PCDHA2: variants seen among roughly 807,000 people sequenced by gnomAD.
The protein encoded by PCDHA2 is protocadherin alpha 2.
Under a neutral mutation model 66.0 loss-of-function variants are expected in PCDHA2, and 58 were observed. The ratio of observed to expected loss-of-function variants is 0.88; its 90% CI spans 0.71 to 1.09. The LOEUF is 1.09. Among genes scored for constraint, PCDHA2 ranks in the 50% least tolerant of loss-of-function variants. PCDHA2 has a pLI of 0.00. For missense variants in PCDHA2, 1,267 were observed against 1,242.3 expected (o/e 1.02, Z -0.30); for synonymous variants, 634 against 554.0 (o/e 1.14, Z -2.03).
intron 1 of PCDHA2, among the ~76,000 whole-genome samples, chr5:140,895,467 T>A (rs1201680855): frequency 6.6e-6 from 1 of 152,204 alleles, no homozygotes. Flanking sequence ...CATTTCTTTA[T>A]CCTCTTCGGA....
intron 1 of PCDHA2, among the ~76,000 whole-genome samples, chr5:140,955,335 A>G (rs538609650): frequency 6.6e-6 from 1 of 152,266 alleles, no homozygotes; most frequent in South Asian, 2.1e-4. Flanking sequence ...AGTTCCCATA[A>G]TCCCCACATG....
intron 1 of PCDHA2, chr5:140,927,266 C>T (rs1554204259): frequency 6.2e-7 from 1 of 1,614,146 alleles, no homozygotes. Flanking sequence ...CCTCTCTTTC[C>T]TGCCGGCGAC....
chr5:140,888,819 G>A (rs2061994549), intron 1 of PCDHA2, among the ~76,000 whole-genome samples: 1 of 151,908 alleles, frequency 6.6e-6, no homozygotes, highest in African/African-American at 2.4e-5. Context: ...TGTGATCTGT[G>A]ATCACATCAC....
Position 140,850,752 on chromosome 5 carries a change from C to G in PCDHA2, c.2388+53400C>G. On this transcript the variant is annotated intron_variant, in intron 1 of 3. Transcript: ENST00000526136. ...GGTGGGGAGTTGGTCGTACTCGCAG[C>G]AGAGGAGGCAGAGGGTGTGCTCTGG... is the stretch of plus-strand genomic sequence containing the variant. The G allele has an allele frequency of 1.3e-6, 2 of 1,597,900 alleles. 1 individual carries two copies. Among genetic ancestry groups the G allele is most frequent in the Non-Finnish European group, 1.7e-6 (2 of 1,167,560 alleles).
chr5:141,006,388 A>AT (rs2098271631), intron 3 of PCDHA2, among the ~76,000 whole-genome samples: 1 of 151,322 alleles, frequency 6.6e-6, no homozygotes, highest in African/African-American at 2.4e-5. Flanking sequence ...AGTTTTTTCT[A>AT]TTTTTTAGTA....
chr5:140,876,467 G>T, intron 1 of PCDHA2: 1 of 1,614,020 alleles, frequency 6.2e-7, no homozygotes, highest in Non-Finnish European at 8.5e-7. Flanking sequence ...TCCATGGCAG[G>T]TCACAGCATG....
At chr5:140,969,556 C>A in intron 1 of PCDHA2, 1 of 1,210,690 alleles carries the variant, frequency 8.3e-7, no homozygotes, top group Non-Finnish European at 1.1e-6. Flanking sequence ...AAGCCTTGTC[C>A]ATAAAATTGT....
At position 140,857,752 on chromosome 5, in the gene PCDHA2, C is replaced by G. The variant is rs7725388; in HGVS notation, c.2388+60400C>G. ...ACGCTCCCGCGCTGCTGGCGTCTCCCGCTGGCAGCGCGGGCGGTGCAGTCA... is the reference window on the plus strand; with the variant it reads ...ACGCTCCCGCGCTGCTGGCGTCTCCGGCTGGCAGCGCGGGCGGTGCAGTCA... On this transcript the variant is annotated intron_variant, in intron 1 of 3. Transcript: ENST00000526136. The G allele has an allele frequency of 4.5e-3, 7,184 of 1,597,166 alleles. 625 individuals are homozygous for G. The African/African-American group carries it at 0.078, about 17-fold the overall frequency.
intron 1 of PCDHA2, chr5:140,881,249 A>G (rs1582554645): frequency 2.3e-6 from 1 of 434,858 alleles, no homozygotes; most frequent in Non-Finnish European, 3.1e-6. Context: ...AATGACGGCA[A>G]GGTTTTACTC....
At chr5:140,859,289 A>G (rs2045796105) in intron 1 of PCDHA2, 1 of 129,084 alleles carries the variant, frequency 7.7e-6, no homozygotes, top group African/African-American at 2.7e-5. Context: ...GAGACTGAAA[A>G]TACTTTAGTA....
intron 1 of PCDHA2, chr5:140,830,285 T>G (rs1554132709): frequency 6.2e-7 from 1 of 1,613,564 alleles, no homozygotes; most frequent in South Asian, 1.1e-5. Context: ...CGAGGGCGCG[T>G]GCACGGCGGA....
At chr5:140,883,504 C>G in intron 1 of PCDHA2, 1 of 1,614,172 alleles carries the variant, frequency 6.2e-7, no homozygotes, top group East Asian at 2.2e-5. Context: ...TGGACAGCGC[C>G]CTGGACCGCG....
chr5:140,999,678 G>A (rs1204037119), intron 3 of PCDHA2, among the ~76,000 whole-genome samples: 2 of 152,112 alleles, frequency 1.3e-5, no homozygotes, highest in East Asian at 1.9e-4. Context: ...GGGGCTCACA[G>A]AAAGAAGAAA....
At chr5:140,986,460 G>A (rs1489873666) in intron 3 of PCDHA2, among the ~76,000 whole-genome samples, 1 of 152,176 alleles carries the variant, frequency 6.6e-6, no homozygotes, top group Admixed American at 6.5e-5. Flanking sequence ...TTTAATGAAT[G>A]CCCTCTTGTG....
intron 1 of PCDHA2, chr5:140,841,411 G>C: frequency 6.2e-7 from 1 of 1,613,088 alleles, no homozygotes; most frequent in Non-Finnish European, 8.5e-7. Flanking sequence ...GGAGCGGCCA[G>C]CTCCACTACT....
intron 1 of PCDHA2, chr5:140,829,477 G>A (rs2150168551): frequency 2.5e-6 from 4 of 1,613,692 alleles, no homozygotes; most frequent in Admixed American, 3.3e-5. Flanking sequence ...AGTACACAGT[G>A]TTCGTGAAGG....
chr5:140,852,638 T>C lies in PCDHA2; in HGVS notation c.2388+55286T>C. 5 of 960,950 alleles carry C rather than the reference T, an allele frequency of 5.2e-6. 1 individual carries two copies. Among genetic ancestry groups the C allele is most frequent in the Non-Finnish European group, 6.3e-6 (5 of 795,190 alleles). The allele number at this position is 960,950 out of a possible 1,614,324, so 59.5% of individuals were successfully genotyped here. On this transcript the variant is annotated intron_variant, in intron 1 of 3. Coordinates refer to ENST00000526136, the MANE Select transcript of PCDHA2 (RefSeq NM_018905.3). ...TTGAGTGGTCTCTGAGCTCCTGTCA[T>C]TAAACCTATCTATATCTGTCTATCA...
Position 140,958,669 on chromosome 5 carries a change from A to G in PCDHA2, c.2389-20280A>G, listed in dbSNP as rs570899981. On this transcript the variant is annotated intron_variant, in intron 1 of 3. Coordinates refer to ENST00000526136, the MANE Select transcript of PCDHA2 (RefSeq NM_018905.3). ...CACAGAAAGCTATGATGAAATTTTA[A>G]TTATAAAGGATATTGAATATCCTAG... Among the ~76,000 whole-genome samples, 3 of 152,316 alleles carry G rather than the reference A, an allele frequency of 2.0e-5. No individual in the cohort carries two copies. In the East Asian group the frequency reaches 5.8e-4, roughly 29 times the overall value.
chr5:140,882,382 A>G (rs782774831), intron 1 of PCDHA2: 5 of 1,614,092 alleles, frequency 3.1e-6, no homozygotes, highest in Non-Finnish European at 4.2e-6. Context: ...TCCCCGAGGA[A>G]GCAAAACACG....
Sources: gnomAD v4.1 joint callset for allele counts (sites outside exome capture counted in the v4.1 genomes callset) on GRCh38, gnomAD v4.1.1 for gene constraint, MANE v1.5 for transcripts, NCBI Gene and HGNC (gene_info 2026-07-23, HGNC 2026-07-21) for gene names.